GSTO2: variants seen among roughly 807,000 people sequenced by gnomAD.
GSTO2 encodes glutathione S-transferase omega-2.
A neutral mutation model predicts 28.4 loss-of-function variants in GSTO2; 23 were observed. The observed-to-expected ratio is 0.81, with a 90% CI of 0.58 to 1.15. The LOEUF (loss-of-function observed/expected upper bound fraction) is 1.15, where lower values mean the gene tolerates loss of function less well. GSTO2 is among the 50% of genes most tolerant of loss of function. The pLI, the probability that GSTO2 is intolerant of heterozygous loss-of-function variation, is 0.00. For synonymous variants in GSTO2, 109 were observed against 111.0 expected, an observed-to-expected ratio of 0.98 and a Z score of 0.11; for missense variants, 298 against 297.8, an observed-to-expected ratio of 1.00 and a Z score of 0.00.
At chr10:104,298,500 C>T (rs2013145628) in intron 6 of GSTO2, among the ~76,000 whole-genome samples, 2 of 152,194 alleles carry the variant, frequency 1.3e-5, no homozygotes, top group African/African-American at 2.4e-5. Context: ...AAGGCTGTAT[C>T]CTCTGAAGAC....
chr10:104,272,467 G>A (rs900951272), intron 1 of GSTO2, among the ~76,000 whole-genome samples: 2 of 152,042 alleles, frequency 1.3e-5, no homozygotes, highest in Admixed American at 6.6e-5. Context: ...GTTGCCGCTG[G>A]AGTCAAACTT....
At chr10:104,269,459 G>T (rs1020473786) in intron 1 of GSTO2, among the ~76,000 whole-genome samples, 190 bp downstream of exon 1, 6 of 152,222 alleles carry the variant, frequency 3.9e-5, no homozygotes, top group Admixed American at 3.3e-4. Flanking sequence ...CCAACAAAGT[G>T]CAGCCTAAGA....
In GSTO2 at chr10:104,274,761, T is replaced by A; in HGVS notation, c.-155T>A. 1.1e-6 allele frequency: 1 copy of A among 885,430 alleles called. No homozygotes were observed. The highest frequency in any genetic ancestry group is 2.5e-5 in the Admixed American group (1 of 39,730). 54.8% of individuals were successfully genotyped at this position (885,430 alleles called of 1,614,324 possible). ...ACCCTAGCTCCTGCTCCAGATCGCTTCCCCGTGCCCCGCCAGAGCCCAGTA... is the reference window on the plus strand; with the variant it reads ...ACCCTAGCTCCTGCTCCAGATCGCTACCCCGTGCCCCGCCAGAGCCCAGTA... On this transcript the variant is annotated 5_prime_UTR_variant, in exon 2 of 7. Coordinates refer to ENST00000338595, the MANE Select transcript of GSTO2 (RefSeq NM_183239.2).
chr10:104,294,237 A>T (rs2012921124), intron 5 of GSTO2, among the ~76,000 whole-genome samples: 1 of 152,174 alleles, frequency 6.6e-6, no homozygotes, highest in Non-Finnish European at 1.5e-5. Context: ...TACACTTCTA[A>T]TCCTTTGTGT....
chr10:104,286,617 A>G (rs1205887313), intron 5 of GSTO2, among the ~76,000 whole-genome samples: 11 of 152,096 alleles, frequency 7.2e-5, no homozygotes, highest in Non-Finnish European at 1.5e-4. Context: ...TTTAGTTGTA[A>G]CCACCATTCT....
intron 6 of GSTO2, among the ~76,000 whole-genome samples, chr10:104,298,712 CTT>C (rs1392754197): frequency 6.6e-6 from 1 of 152,084 alleles, no homozygotes; most frequent in East Asian, 1.9e-4. Flanking sequence ...AATTATTTGT[CTT>C]TATTTTTTTA....
At position 104,302,463 on chromosome 10, in the gene GSTO2, A is replaced by C. The variant is rs2013285061; in HGVS notation, c.*3179A>C. ...CTGAGCTACAGCCTAGCCTGGACTC[A>C]GTCCAGTTACAATCTAACATGGCTA... On this transcript the variant is annotated 3_prime_UTR_variant, in exon 7 of 7. Transcript: ENST00000338595. 6.6e-6 allele frequency: 1 copy of C among 152,452 alleles called. No homozygotes were observed. Among genetic ancestry groups the C allele is most frequent in the African/African-American group, 2.4e-5 (1 of 41,458 alleles). The allele number at this position is 152,452 out of a possible 1,614,324, so 9.4% of individuals were successfully genotyped here. A position where few individuals can be genotyped will look rare whatever the true frequency, so the allele number is the denominator to read the frequency against.
In GSTO2 at chr10:104,303,186, AT is replaced by A. The variant is rs2013310181; in HGVS notation, c.*3903del. ...TGTTCTCATGATTTAGCTCCCACTTATAAGTGAGAACATGCAGTTTTTGTAA... is the reference window on the plus strand; with the variant it reads ...TGTTCTCATGATTTAGCTCCCACTTAAAGTGAGAACATGCAGTTTTTGTAA... On this transcript the variant is annotated 3_prime_UTR_variant, in exon 7 of 7. Transcript: ENST00000338595. 7.9e-5 allele frequency: 12 copies of A among 152,322 alleles called. No homozygotes were observed. In the South Asian group the frequency reaches 2.5e-3, roughly 32 times the overall value. 9.4% of individuals were successfully genotyped at this position (152,322 alleles called of 1,614,324 possible). A position where few individuals can be genotyped will look rare whatever the true frequency, so the allele number is the denominator to read the frequency against.
intron 6 of GSTO2, among the ~76,000 whole-genome samples, 195 bp downstream of exon 6, chr10:104,297,879 C>T (rs1482384844): frequency 3.3e-5 from 5 of 152,162 alleles, no homozygotes; most frequent in Non-Finnish European, 7.3e-5. Flanking sequence ...ACACTTTGCC[C>T]GCATTTCTGC....
intron 5 of GSTO2, chr10:104,296,209 G>A (rs571102259): frequency 2.0e-5 from 3 of 152,138 alleles, no homozygotes; most frequent in South Asian, 4.1e-4. Context: ...CAGTCCCTCC[G>A]GGTTGATTTG....
chr10:104,275,479 G>A, intron 3 of GSTO2, 145 bp downstream of exon 3: 1 of 675,780 alleles, frequency 1.5e-6, no homozygotes, highest in Non-Finnish European at 2.5e-6. Context: ...AATAGCAAAG[G>A]GCGAGCTTTT....
intron 4 of GSTO2, among the ~76,000 whole-genome samples, chr10:104,279,156 G>C (rs545056038): frequency 6.6e-6 from 1 of 152,292 alleles, no homozygotes; most frequent in East Asian, 1.9e-4. Flanking sequence ...CCCTCCTAAA[G>C]CACCCTGCTT....
chr10:104,291,987 C>T (rs547156920), intron 5 of GSTO2, among the ~76,000 whole-genome samples: 100 of 152,228 alleles, frequency 6.6e-4, no homozygotes, highest in African/African-American at 2.3e-3. Context: ...GAAAATGTGT[C>T]AATGTTTTCA....
intron 5 of GSTO2, among the ~76,000 whole-genome samples, chr10:104,284,018 GTT>G (rs202161194): frequency 6.0e-5 from 8 of 133,582 alleles, no homozygotes; most frequent in African/African-American, 8.0e-5. Flanking sequence ...AACTTTTTAA[GTT>G]TTTTTTTTTT....
intron 4 of GSTO2, 28 bp from the exon 5 acceptor site, chr10:104,279,342 C>T (rs774026759): frequency 6.4e-7 from 1 of 1,570,768 alleles, no homozygotes; most frequent in Non-Finnish European, 8.8e-7. Context: ...ACAGACTTCT[C>T]CACTGAGAAC....
rs2011735914 is a variant in GSTO2, at chr10:104,277,919, A to G, written c.169A>G (p.Arg57Gly). The G allele has an allele frequency of 1.2e-6, 2 of 1,613,770 alleles. No homozygotes were observed. The highest frequency in any genetic ancestry group is 1.7e-6 in the Non-Finnish European group (2 of 1,179,826). ...IRHEVVNINL[R>G]NKPEWYYTKH... Reference sequence around the variant, plus strand: ...ACATGAAGTGGTCAACATTAACCTGAGAAACAAGCCTGAATGGTACTATAC... The same window carrying G: ...ACATGAAGTGGTCAACATTAACCTGGGAAACAAGCCTGAATGGTACTATAC... Residue 57 changes from arginine (R) to glycine (G), a missense_variant, in exon 4 of 7, where the codon AGA (arginine) becomes GGA (glycine). By Grantham distance (125) the Arg-to-Gly change is moderately radical (BLOSUM62 -2). Transcript: ENST00000338595.
At chr10:104,280,165 CAAAAAAAAAA>C (rs56803318) in intron 5 of GSTO2, among the ~76,000 whole-genome samples, 5 of 57,076 alleles carry the variant, frequency 8.8e-5, no homozygotes, top group South Asian at 9.3e-4. Context: ...GTAGGACTGA[CAAAAAAAAAA>C]AAAAAAAAAA....
At chr10:104,283,677 T>C (rs1008567329) in intron 5 of GSTO2, among the ~76,000 whole-genome samples, 2 of 152,214 alleles carry the variant, frequency 1.3e-5, no homozygotes, top group African/African-American at 4.8e-5. Flanking sequence ...TATTGAAATC[T>C]GAAAACATGA....
At chr10:104,281,415 A>C (rs1158188373) in intron 5 of GSTO2, among the ~76,000 whole-genome samples, 2 of 152,042 alleles carry the variant, frequency 1.3e-5, no homozygotes, top group South Asian at 2.1e-4. Flanking sequence ...GAAAAAAAAA[A>C]CTCTTTGAAT....
Sources: allele counts gnomAD v4.1 joint callset (sites outside exome capture counted in the v4.1 genomes callset), GRCh38; gene constraint gnomAD v4.1.1; transcripts MANE v1.5; gene names NCBI Gene and HGNC (gene_info 2026-07-23, HGNC 2026-07-21).